The following RNF31 variants were observed in gnomAD, a reference collection of about 807,000 sequenced individuals.
RNF31 encodes the protein E3 ubiquitin-protein ligase RNF31.
RNF31 carries 38 observed loss-of-function variants against 133.6 expected under a neutral mutation model. That is an observed-to-expected ratio of 0.28 (90% CI 0.22 to 0.37). RNF31 has a LOEUF of 0.37. Ranked by LOEUF, RNF31 falls within the 10% of genes least tolerant of loss-of-function variation. The pLI is 1.00. For missense variants in RNF31, 1,118 were observed against 1,394.1 expected (o/e 0.80, Z 3.15); for synonymous variants, 582 against 552.3 (o/e 1.05, Z -0.75).
Position 24,148,068 on chromosome 14 carries a change from G to A in RNF31, c.285G>A (p.Trp95Ter). 6.2e-7 allele frequency: 1 copy of A among 1,614,234 alleles called. No homozygotes were observed. ...TCAGCCCTCAGCGGCCTCGGTACTGGCGTGGTGTCAAGTTTAATAACCCTG... is the reference window on the plus strand; with the variant it reads ...TCAGCCCTCAGCGGCCTCGGTACTGACGTGGTGTCAAGTTTAATAACCCTG... ...NLLSPQRPRY[W>*]RGVKFNNPVF... The change falls in exon 2 of 21, where the codon TGG (tryptophan) becomes TGA (stop). Residue 95 changes from tryptophan (W) to a stop codon, truncating the protein, a stop_gained. Transcript: ENST00000324103. LOFTEE classifies it high-confidence loss of function.
chr14:24,147,825 C>T lies in RNF31; in HGVS notation c.127C>T (p.Pro43Ser). The change falls in exon 1 of 21, where the codon CCG becomes TCG. Residue 43 changes from proline to serine, a missense_variant. Pro to Ser is a moderately conservative substitution (Grantham distance 74, BLOSUM62 -1). This residue lies in a region of RNF31 where 747 missense variants were observed against 827.9 expected (regional missense o/e 0.90). Coordinates refer to ENST00000324103, the MANE Select transcript of RNF31 (RefSeq NM_017999.5). ...QLRPLLASSL[P>S]LAARYLQLDA... is the part of the protein sequence containing the mutation. ...CCGGCCGCTACTAGCCAGCTCTCTG[C>T]CGCTAGCCGCCCGCTACCTGCAGCT... 6.2e-7 allele frequency: 1 copy of T among 1,607,434 alleles called. No homozygotes were observed. Among genetic ancestry groups the T allele is most frequent in the Non-Finnish European group, 8.5e-7 (1 of 1,178,480 alleles).
intron 15 of RNF31, 35 bp from the exon 16 acceptor site, chr14:24,157,485 C>T (rs747958881): frequency 1.2e-5 from 20 of 1,605,608 alleles, no homozygotes; most frequent in South Asian, 8.8e-5. Context: ...TGAGTTGCAG[C>T]GGCAGCTCCA....
chr14:24,159,143 G>A (rs765564911), intron 18 of RNF31, among the ~76,000 whole-genome samples: 2 of 151,186 alleles, frequency 1.3e-5, no homozygotes, highest in Non-Finnish European at 1.5e-5. Flanking sequence ...TCAGGAGTTC[G>A]TGACCAACCT....
chr14:24,156,398 G>C (rs2038341135), intron 14 of RNF31, among the ~76,000 whole-genome samples: 1 of 152,172 alleles, frequency 6.6e-6, no homozygotes, highest in South Asian at 2.1e-4. Flanking sequence ...TCCAACTCCT[G>C]GTCTCAAGTG....
Position 24,151,058 on chromosome 14 carries a change from C to A in RNF31, c.1489-73C>A. On this transcript the variant is annotated intron_variant, in intron 8 of 20. Coordinates refer to ENST00000324103, the MANE Select transcript of RNF31 (RefSeq NM_017999.5). This position sits in a 1 kb window ranked among gnomAD's most constrained non-coding sequence, Gnocchi z 5.3. ...CATGATCCATATGTCTGAGCTGAGC[C>A]ACTGTCACCATCTTAGTTCAGGCTG... 1 of 1,589,550 alleles carries A rather than the reference C, an allele frequency of 6.3e-7. No individual in the cohort carries two copies. Among genetic ancestry groups the A allele is most frequent in the Non-Finnish European group, 8.6e-7 (1 of 1,165,852 alleles).
chr14:24,151,724 C>T lies in RNF31; in HGVS notation c.1923+54C>T. ...GTCCACCTAGAGGAGCAAGAGGGAG[C>T]TGAGGGGAAGGGTCCCTGGAGTCTG... On this transcript the variant is annotated intron_variant, in intron 10 of 20. Transcript: ENST00000324103. The surrounding 1 kb of genome is among the most constrained non-coding windows in gnomAD (Gnocchi z 5.3). 6.2e-7 allele frequency: 1 copy of T among 1,602,048 alleles called. No individual in the cohort carries two copies. Among genetic ancestry groups the T allele is most frequent in the Non-Finnish European group, 8.5e-7 (1 of 1,174,566 alleles).
At position 24,147,822 on chromosome 14, in the gene RNF31, C is replaced by A; in HGVS notation, c.124C>A (p.Leu42Met). The A allele has an allele frequency of 6.2e-7, 1 of 1,607,070 alleles. No individual in the cohort carries two copies. Among genetic ancestry groups the A allele is most frequent in the Admixed American group, 1.7e-5 (1 of 59,400 alleles). ...GCTCCGGCCGCTACTAGCCAGCTCTCTGCCGCTAGCCGCCCGCTACCTGCA... is the reference window on the plus strand; with the variant it reads ...GCTCCGGCCGCTACTAGCCAGCTCTATGCCGCTAGCCGCCCGCTACCTGCA... ...EQLRPLLASSLPLAARYLQLD... is the reference protein window; with the variant it reads ...EQLRPLLASSMPLAARYLQLD... The change falls in exon 1 of 21, where the codon CTG (leucine) becomes ATG (methionine). Residue 42 changes from leucine (L) to methionine (M), a missense_variant. Physicochemically the swap from Leu to Met is conservative, Grantham distance 15. This residue lies in a region of RNF31 where 747 missense variants were observed against 827.9 expected (regional missense o/e 0.90). Transcript: ENST00000324103.
Position 24,147,862 on chromosome 14 carries a change from G to T in RNF31, c.164G>T (p.Arg55Leu), listed in dbSNP as rs1374709890. The T allele has an allele frequency of 1.2e-6, 2 of 1,610,770 alleles. No homozygotes were observed. The highest frequency in any genetic ancestry group is 1.7e-6 in the Non-Finnish European group (2 of 1,179,658). Residue 55 changes from arginine to leucine, a missense_variant, in exon 1 of 21, where the codon CGC becomes CTC. Coordinates refer to ENST00000324103, the MANE Select transcript of RNF31 (RefSeq NM_017999.5). ...CGCTACCTGCAGCTGGACGCCGCAC[G>T]CCTTGTCCGCTGCAACGCTCATGGG... The part of the protein sequence containing the change: ...AARYLQLDAA[R>L]LVRCNAHGEP...
intron 11 of RNF31, among the ~76,000 whole-genome samples, chr14:24,153,140 G>T (rs1043522519): frequency 6.6e-6 from 1 of 152,000 alleles, no homozygotes; most frequent in Non-Finnish European, 1.5e-5. Context: ...GTGCTACTGT[G>T]GCTATGTTTT....
In RNF31 at chr14:24,160,560, G is replaced by T. The variant is rs780060640; in HGVS notation, c.3206G>T (p.Arg1069Leu). Residue 1069 changes from arginine (R) to leucine (L), a missense_variant, in exon 21 of 21, where the codon CGC (arginine) becomes CTC (leucine). Around this residue, in one of 3 missense-constraint regions of RNF31, gnomAD observed 170 missense variants for 194.5 expected, o/e 0.87. Coordinates refer to ENST00000324103, the MANE Select transcript of RNF31 (RefSeq NM_017999.5). The surrounding 1 kb of genome is among the most constrained non-coding windows in gnomAD (Gnocchi z 4.0). Reference sequence around the variant, plus strand: ...GTACCCTTGGGACAGAGTATCCCCCGCAGGCGGAAGTAGCTGAGGGCAAGG... The same window carrying T: ...GTACCCTTGGGACAGAGTATCCCCCTCAGGCGGAAGTAGCTGAGGGCAAGG... ...EEVPLGQSIP[R>L]RRK 2.6e-6 allele frequency: 4 copies of T among 1,535,074 alleles called. No individual in the cohort carries two copies. In the African/African-American group the frequency reaches 4.1e-5, roughly 16 times the overall value.
chr14:24,155,404 C>T lies in RNF31; in HGVS notation c.2305-10C>T, dbSNP rs750407960. 6.2e-7 allele frequency: 1 copy of T among 1,614,196 alleles called. No homozygotes were observed. The highest frequency in any genetic ancestry group is 8.5e-7 in the Non-Finnish European group (1 of 1,180,014). On this transcript the variant is annotated splice_polypyrimidine_tract_variant and intron_variant, in intron 12 of 20. Transcript: ENST00000324103. The surrounding 1 kb of genome is among the most constrained non-coding windows in gnomAD (Gnocchi z 4.9). ...CCCTCCCACCCACCACCTCTGCATC[C>T]TGTCCCCAGCTTCGCGAGAGCCTAG...
In RNF31 at chr14:24,150,710, G is replaced by T; in HGVS notation, c.1310G>T (p.Ser437Ile). The T allele has an allele frequency of 6.2e-7, 1 of 1,614,186 alleles. No homozygotes were observed. Among genetic ancestry groups the T allele is most frequent in the South Asian group, 1.1e-5 (1 of 91,084 alleles). The change falls in exon 8 of 21, where the codon AGC becomes ATC. Residue 437 changes from serine (S) to isoleucine (I), a missense_variant. Around this residue, in one of 3 missense-constraint regions of RNF31, gnomAD observed 747 missense variants for 827.9 expected, o/e 0.90. Coordinates refer to ENST00000324103, the MANE Select transcript of RNF31 (RefSeq NM_017999.5). ...WVCVMCNRTS[S>I]PIPAQHAPRP... The stretch of plus-strand genomic sequence containing the variant: ...TGTGTTATGTGCAACCGGACTAGTA[G>T]CCCCATTCCAGCACAACATGCCCCC...
intron 11 of RNF31, among the ~76,000 whole-genome samples, chr14:24,153,985 T>G (rs1368637510): frequency 1.3e-5 from 2 of 152,144 alleles, no homozygotes; most frequent in Non-Finnish European, 2.9e-5. Context: ...TACTTTTCAC[T>G]AACCTTCACT....
rs766059067 is a variant in RNF31 at position 24,150,700 on chromosome 14, C to T, written c.1300C>T (p.Arg434Trp). ...SPGWVCVMCN[R>W]TSSPIPAQHA... ...TGGCTGGGTGTGTGTTATGTGCAACCGGACTAGTAGCCCCATTCCAGCACA... is the reference window on the plus strand; with the variant it reads ...TGGCTGGGTGTGTGTTATGTGCAACTGGACTAGTAGCCCCATTCCAGCACA... Residue 434 changes from arginine (R) to tryptophan (W), a missense_variant, in exon 8 of 21, where the codon CGG becomes TGG. Physicochemically the swap from Arg to Trp is moderately radical, Grantham distance 101 (BLOSUM62 -3). Around this residue, in one of 3 missense-constraint regions of RNF31, gnomAD observed 747 missense variants for 827.9 expected, o/e 0.90. Transcript: ENST00000324103. The T allele has an allele frequency of 9.3e-6, 15 of 1,614,070 alleles. No homozygotes were observed. The highest frequency in any genetic ancestry group is 2.2e-5 in the South Asian group (2 of 91,092).
chr14:24,157,502 A>G lies in RNF31; in HGVS notation c.2609-18A>G. ...AGTTGCAGCGGCAGCTCCAGCCCTGACCTCTTGTCCTTTGCAGACTGCCCC... is the reference window on the plus strand; with the variant it reads ...AGTTGCAGCGGCAGCTCCAGCCCTGGCCTCTTGTCCTTTGCAGACTGCCCC... On this transcript the variant is annotated intron_variant, in intron 15 of 20. Transcript: ENST00000324103. The G allele has an allele frequency of 6.2e-7, 1 of 1,612,132 alleles. No individual in the cohort carries two copies. Among genetic ancestry groups the G allele is most frequent in the Non-Finnish European group, 8.5e-7 (1 of 1,178,174 alleles).
chr14:24,147,379 A>T (rs1337566669), upstream of RNF31: 12 of 262,404 alleles, frequency 4.6e-5, no homozygotes, highest in Middle Eastern at 1.1e-3. Context: ...TTGCCTTCTC[A>T]TTGGTTGGGA....
chr14:24,152,097 C>T, intron 11 of RNF31, 105 bp downstream of exon 11: 2 of 1,144,726 alleles, frequency 1.7e-6, no homozygotes, highest in Non-Finnish European at 2.5e-6. Context: ...TCTTCAGTTG[C>T]CCATATACCC....
At position 24,160,469 on chromosome 14, in the gene RNF31, GTGTC is replaced by G. The variant is rs1388309165; in HGVS notation, c.3166-48_3166-45del. The stretch of plus-strand genomic sequence containing the variant: ...CTACAGAAGTCACCTGGTGCTGACT[GTGTC>G]TGAGCTCCAGGCTTCCAATATCATT... On this transcript the variant is annotated intron_variant, in intron 20 of 20. Transcript: ENST00000324103. This position sits in a 1 kb window ranked among gnomAD's most constrained non-coding sequence, Gnocchi z 4.0. 2 of 1,577,838 alleles carry G rather than the reference GTGTC, an allele frequency of 1.3e-6. No individual in the cohort carries two copies. Among genetic ancestry groups the G allele is most frequent in the Non-Finnish European group, 1.7e-6 (2 of 1,157,440 alleles).
intron 5 of RNF31, 30 bp downstream of exon 5, chr14:24,148,906 TAGGA>T: frequency 2.6e-6 from 4 of 1,563,200 alleles, no homozygotes; most frequent in Non-Finnish European, 3.5e-6. Flanking sequence ...GGGGACCAGG[TAGGA>T]AGCTATATTG....
Sources: gnomAD v4.1 joint callset for allele counts (sites outside exome capture counted in the v4.1 genomes callset) on GRCh38, gnomAD v4.1.1 for gene constraint, gnomAD v4.1.1 regional missense constraint, Gnocchi (gnomAD v3.1) non-coding constraint, MANE v1.5 for transcripts, NCBI Gene and HGNC (gene_info 2026-07-23, HGNC 2026-07-21) for gene names.